Variants in SYNRG observed in about 807,000 individuals in gnomAD.
SYNRG encodes synergin gamma.
SYNRG carries 37 observed loss-of-function variants against 130.9 expected under a neutral mutation model. The ratio of observed to expected loss-of-function variants is 0.28; its 90% CI spans 0.22 to 0.37. The LOEUF (loss-of-function observed/expected upper bound fraction) is 0.37, where lower values mean the gene tolerates loss of function less well. Ranked by LOEUF, SYNRG falls within the 10% of genes least tolerant of loss-of-function variation. The pLI, the probability that SYNRG is intolerant of heterozygous loss-of-function variation, is 1.00. For synonymous variants in SYNRG, 539 were observed against 568.1 expected (o/e 0.95, Z 0.73); for missense variants, 1,338 against 1,588.9 (o/e 0.84, Z 2.68).
At position 37,553,374 on chromosome 17, in the gene SYNRG, T is replaced by C. The variant is rs138076005; in HGVS notation, c.2349A>G (p.Lys783=). The C allele has an allele frequency of 1.9e-6, 3 of 1,613,994 alleles. No individual in the cohort carries two copies. Among genetic ancestry groups the C allele is most frequent in the Non-Finnish European group, 2.5e-6 (3 of 1,180,032 alleles). ...DDDFADFHSS[K]FSSINSDKSL... is the part of the protein sequence containing the mutation. ...ATTTGTCCGAGTTTATGGAAGAAAA[T>C]TTACTGGAGTGGAAGTCAGCAAAAT... Residue 783 remains lysine, a synonymous_variant, in exon 14 of 22, where the codon AAA becomes AAG. Coordinates refer to ENST00000612223, the MANE Select transcript of SYNRG (RefSeq NM_007247.6).
intron 3 of SYNRG, among the ~76,000 whole-genome samples, chr17:37,590,235 G>A (rs921162001): frequency 6.6e-6 from 1 of 151,132 alleles, no homozygotes; most frequent in African/African-American, 2.4e-5. Flanking sequence ...TACAGGTAGG[G>A]AAGAATGTCT....
chr17:37,578,580 G>A (rs995110685), intron 6 of SYNRG, among the ~76,000 whole-genome samples: 4 of 152,124 alleles, frequency 2.6e-5, no homozygotes, highest in African/African-American at 9.7e-5. Context: ...TCATCTCTTG[G>A]TCTGTTTCCA....
intron 19 of SYNRG, among the ~76,000 whole-genome samples, chr17:37,525,923 G>A (rs1213549717): frequency 1.3e-5 from 2 of 152,114 alleles, no homozygotes; most frequent in South Asian, 2.1e-4. Flanking sequence ...CCAAGATCGC[G>A]CCATTGCACT....
rs1310845721 is a variant in SYNRG, at chr17:37,586,563, ACAAAGG to A, written c.241-20_241-15del. On this transcript the variant is annotated splice_polypyrimidine_tract_variant and intron_variant, in intron 3 of 21. Coordinates refer to ENST00000612223, the MANE Select transcript of SYNRG (RefSeq NM_007247.6). ...TGGTATTCCTGCCTAGAAGAAACAG[ACAAAGG>A]CTTAAAAAACACAATTTATCCCTTT... 6.2e-7 allele frequency: 1 copy of A among 1,613,632 alleles called. No homozygotes were observed. The highest frequency in any genetic ancestry group is 1.7e-5 in the Admixed American group (1 of 59,960).
intron 3 of SYNRG, among the ~76,000 whole-genome samples, chr17:37,595,810 A>C (rs933305746): frequency 6.7e-6 from 1 of 148,806 alleles, no homozygotes; most frequent in Non-Finnish European, 1.5e-5. Context: ...GCTGGAGTAC[A>C]GTGGCATGAT....
intron 3 of SYNRG, among the ~76,000 whole-genome samples, chr17:37,595,966 G>C (rs890664406): frequency 3.9e-5 from 6 of 152,146 alleles, no homozygotes; most frequent in Non-Finnish European, 7.4e-5. Flanking sequence ...TGTTGGCCAG[G>C]CTGGTCTCGA....
At position 37,518,914 on chromosome 17, in the gene SYNRG, A is replaced by T; in HGVS notation, c.*26T>A. 1 of 1,605,334 alleles carries T rather than the reference A, an allele frequency of 6.2e-7. No homozygotes were observed. Among genetic ancestry groups the T allele is most frequent in the Non-Finnish European group, 8.5e-7 (1 of 1,175,752 alleles). On this transcript the variant is annotated 3_prime_UTR_variant, in exon 22 of 22. Transcript: ENST00000612223. Reference sequence around the variant, plus strand: ...CCCGTGGGGTGTCACAGAAAAAAAAAAGTCAATGCTTCACAGAGGAGTTGT... The same window carrying T: ...CCCGTGGGGTGTCACAGAAAAAAAATAGTCAATGCTTCACAGAGGAGTTGT...
intron 6 of SYNRG, among the ~76,000 whole-genome samples, chr17:37,580,681 C>T (rs1598486334): frequency 1.3e-5 from 2 of 152,118 alleles, no homozygotes; most frequent in East Asian, 1.9e-4. Context: ...GCTACAGGTG[C>T]GTGCCACCAC....
At position 37,584,431 on chromosome 17, in the gene SYNRG, A is replaced by C. The variant is rs4239215; in HGVS notation, c.589+217T>G. ...GGTGAAATTGTCATACTGATATTTA[A>C]TTAGAAGACAAAGAGGTTTTTTCCT... On this transcript the variant is annotated intron_variant, in intron 6 of 21. Transcript: ENST00000612223. 2.5e-3 allele frequency: 1,066 copies of C among 428,264 alleles called. 12 individuals carry two copies. Among genetic ancestry groups the C allele is most frequent in the African/African-American group, 0.02 (1,005 of 49,960 alleles). 26.5% of individuals were successfully genotyped at this position (428,264 alleles called of 1,614,324 possible).
chr17:37,525,984 T>C (rs983929532), intron 19 of SYNRG, among the ~76,000 whole-genome samples: 7 of 151,920 alleles, frequency 4.6e-5, no homozygotes, highest in African/African-American at 1.7e-4. Flanking sequence ...AACAAAACAA[T>C]TGGCCGGACG....
chr17:37,570,460 G>A (rs1405853595), intron 10 of SYNRG, among the ~76,000 whole-genome samples, 177 bp downstream of exon 10: 2 of 152,094 alleles, frequency 1.3e-5, no homozygotes, highest in African/African-American at 4.8e-5. Context: ...GCTAATCTGA[G>A]AAGTGAAAAA....
chr17:37,603,657 C>CT (rs2063493040), intron 1 of SYNRG, among the ~76,000 whole-genome samples: 1 of 152,170 alleles, frequency 6.6e-6, no homozygotes, highest in African/African-American at 2.4e-5. Flanking sequence ...TCAAAAGAAA[C>CT]TTTTTTCTGA....
intron 1 of SYNRG, among the ~76,000 whole-genome samples, chr17:37,607,871 G>A (rs987630100): frequency 6.8e-6 from 1 of 147,102 alleles, no homozygotes; most frequent in Non-Finnish European, 1.5e-5. Flanking sequence ...CAAGAGAATC[G>A]CTTGGACCCA....
Position 37,515,268 on chromosome 17 carries a change from A to G in SYNRG, c.*3672T>C, listed in dbSNP as rs2054337251. ...TTTTCAGTATTGTTATTTGGTACAC[A>G]CTTACCTGAAGAAATAAGTAAGTAA... On this transcript the variant is annotated 3_prime_UTR_variant, in exon 22 of 22. Transcript: ENST00000612223. The G allele has an allele frequency of 6.6e-6, 1 of 152,142 alleles. No homozygotes were observed. Among genetic ancestry groups the G allele is most frequent in the Admixed American group, 6.5e-5 (1 of 15,274 alleles). 9.4% of individuals were successfully genotyped at this position (152,142 alleles called of 1,614,324 possible).
chr17:37,552,108 G>A (rs916996739), intron 14 of SYNRG, among the ~76,000 whole-genome samples: 1 of 152,118 alleles, frequency 6.6e-6, no homozygotes, highest in Non-Finnish European at 1.5e-5. Flanking sequence ...AAAGCTATAG[G>A]ACTTTACAAT....
In SYNRG at chr17:37,601,608, T is replaced by A. The variant is rs1436349480; in HGVS notation, c.78-1205A>T. Among the ~76,000 whole-genome samples the A allele has an allele frequency of 5.9e-5, 9 of 152,164 alleles. 1 individual carries two copies. The highest frequency in any genetic ancestry group is 4.6e-4 in the Admixed American group (7 of 15,276). On this transcript the variant is annotated intron_variant, in intron 1 of 21. Coordinates refer to ENST00000612223, the MANE Select transcript of SYNRG (RefSeq NM_007247.6). ...TCTGTACCCATTAAACAATAAGTCC[T>A]CATTTTAGAGCGTAAGAAAGCTCTC...
chr17:37,605,512 A>T (rs2063676939), intron 1 of SYNRG, among the ~76,000 whole-genome samples: 1 of 152,238 alleles, frequency 6.6e-6, no homozygotes, highest in African/African-American at 2.4e-5. Flanking sequence ...ACATAAACAG[A>T]TGTATAAAGG....
intron 11 of SYNRG, among the ~76,000 whole-genome samples, chr17:37,562,905 G>A (rs893284188): frequency 1.3e-5 from 2 of 151,946 alleles, no homozygotes; most frequent in African/African-American, 4.8e-5. Context: ...CTTTAGCTAC[G>A]GTCTTTTAAG....
intron 3 of SYNRG, among the ~76,000 whole-genome samples, chr17:37,594,646 G>C (rs1276765327): frequency 6.6e-6 from 1 of 151,962 alleles, no homozygotes; most frequent in Admixed American, 6.6e-5. Flanking sequence ...ATTTTTAGTA[G>C]AGACGAGGTT....
Sources: gnomAD v4.1 joint callset for allele counts (sites outside exome capture counted in the v4.1 genomes callset) on GRCh38, gnomAD v4.1.1 for gene constraint, MANE v1.5 for transcripts, NCBI Gene and HGNC (gene_info 2026-07-23, HGNC 2026-07-21) for gene names.